Variants in ZNF609 observed in about 807,000 individuals in gnomAD.
ZNF609 encodes the protein zinc finger protein 609.
A neutral mutation model predicts 109.5 loss-of-function variants in ZNF609; 11 were observed. The ratio of observed to expected loss-of-function variants is 0.10; its 90% CI spans 0.06 to 0.17. The LOEUF is 0.17. Ranked by LOEUF, ZNF609 falls within the 10% of genes least tolerant of loss-of-function variation. The pLI is 1.00. For missense variants in ZNF609, 1,559 were observed against 1,772.4 expected (o/e 0.88, Z 2.16); for synonymous variants, 646 against 662.0 (o/e 0.98, Z 0.37).
intron 2 of ZNF609, among the ~76,000 whole-genome samples, chr15:64,583,973 C>T (rs182691856): frequency 2.3e-3 from 352 of 152,270 alleles, no homozygotes; most frequent in African/African-American, 8.1e-3. Flanking sequence ...TCTAGGTTAA[C>T]GTTTATCCAT....
intron 2 of ZNF609, among the ~76,000 whole-genome samples, chr15:64,609,128 C>CTTTCTTTCTTTCTTTCT: frequency 9.9e-6 from 1 of 101,132 alleles, no homozygotes; most frequent in South Asian, 3.2e-4. Context: ...TTCTTTCTTT[C>CTTTCTTTCTTTCTTTCT]TTTTTTTCTT....
chr15:64,600,449 C>CAAAAA (rs60948226), intron 2 of ZNF609, among the ~76,000 whole-genome samples: 1 of 53,820 alleles, frequency 1.9e-5, no homozygotes, highest in Non-Finnish European at 3.7e-5. Flanking sequence ...GGCTGTGTCT[C>CAAAAA]AAAAAAAAAA....
chr15:64,682,410 C>T lies in ZNF609; in HGVS notation c.*724C>T, dbSNP rs1037423060. On this transcript the variant is annotated 3_prime_UTR_variant, in exon 10 of 10. Coordinates refer to ENST00000326648, the MANE Select transcript of ZNF609 (RefSeq NM_015042.2). The stretch of plus-strand genomic sequence containing the variant: ...AGGCAGGGGGCAGGGGTTCCAACAC[C>T]AGCACAGGGCTCCCCAGGGACACTG... 7 of 152,678 alleles carry T rather than the reference C, an allele frequency of 4.6e-5. No individual in the cohort carries two copies. Among genetic ancestry groups the T allele is most frequent in the African/African-American group, 1.4e-4 (6 of 41,454 alleles). 9.5% of individuals were successfully genotyped at this position (152,678 alleles called of 1,614,324 possible). A position where few individuals can be genotyped will look rare whatever the true frequency, so the allele number is the denominator to read the frequency against.
At chr15:64,601,763 C>T (rs985854043) in intron 2 of ZNF609, among the ~76,000 whole-genome samples, 2 of 152,162 alleles carry the variant, frequency 1.3e-5, no homozygotes, top group African/African-American at 2.4e-5. Flanking sequence ...GCAGACCATA[C>T]GTGGTGCTTA....
chr15:64,611,573 G>A (rs1291238842), intron 2 of ZNF609, among the ~76,000 whole-genome samples: 1 of 152,138 alleles, frequency 6.6e-6, no homozygotes, highest in East Asian at 1.9e-4. Context: ...AGCAGAAAAG[G>A]ATTTAGGGTC....
chr15:64,633,438 C>T (rs1195422752), intron 3 of ZNF609, among the ~76,000 whole-genome samples: 2 of 152,190 alleles, frequency 1.3e-5, no homozygotes, highest in African/African-American at 2.4e-5. Context: ...TGAACCACTA[C>T]ACCTGGCCTA....
intron 1 of ZNF609, among the ~76,000 whole-genome samples, chr15:64,478,426 A>G (rs1039976208): frequency 6.6e-6 from 1 of 151,770 alleles, no homozygotes. Flanking sequence ...GCTGTGGTGC[A>G]TTGTTGCGAT....
At position 64,624,958 on chromosome 15, in the gene ZNF609, C is replaced by A. The variant is rs541640201; in HGVS notation, c.973+1906C>A. Among the ~76,000 whole-genome samples the A allele has an allele frequency of 2.1e-4, 32 of 152,050 alleles. No homozygotes were observed. The South Asian group carries it at 6.7e-3, about 32-fold the overall frequency. ...TATTTTTAGTAGAGATGGGGTTTCACCGTGCTGGCCACGCTGGTCTTGAAC... is the reference window on the plus strand; with the variant it reads ...TATTTTTAGTAGAGATGGGGTTTCAACGTGCTGGCCACGCTGGTCTTGAAC... On this transcript the variant is annotated intron_variant, in intron 3 of 9. Coordinates refer to ENST00000326648, the MANE Select transcript of ZNF609 (RefSeq NM_015042.2).
chr15:64,485,874 G>C (rs1168113333), intron 1 of ZNF609, among the ~76,000 whole-genome samples: 1 of 152,154 alleles, frequency 6.6e-6, no homozygotes, highest in East Asian at 1.9e-4. Context: ...TCTTGCTAAA[G>C]TACAATATCA....
chr15:64,568,703 T>G (rs1330977505), intron 2 of ZNF609, among the ~76,000 whole-genome samples: 1 of 152,192 alleles, frequency 6.6e-6, no homozygotes, highest in East Asian at 1.9e-4. Flanking sequence ...TGCCTAGGTA[T>G]TTAGGCTTTT....
At chr15:64,572,887 G>T (rs972797416) in intron 2 of ZNF609, among the ~76,000 whole-genome samples, 1 of 152,104 alleles carries the variant, frequency 6.6e-6, no homozygotes, top group African/African-American at 2.4e-5. Flanking sequence ...GACAACAAGA[G>T]CAAAACTCCG....
intron 2 of ZNF609, among the ~76,000 whole-genome samples, chr15:64,519,267 A>T (rs776056944): frequency 6.6e-5 from 10 of 152,134 alleles, no homozygotes; most frequent in East Asian, 1.9e-4. Context: ...TGGATGTGTG[A>T]GAGAGAGAAC....
chr15:64,479,283 G>GGTTTTTTTTTTTTTTTTTTTTTTTTTT (rs1389448753), intron 1 of ZNF609, among the ~76,000 whole-genome samples: 1 of 64,358 alleles, frequency 1.6e-5, no homozygotes. Context: ...GTACCTGTGT[G>GGTTTTTTTTTTTTTTTTTTTTTTTTTT]ATTTTTTTTT....
At chr15:64,502,848 C>A (rs1342494966) in intron 2 of ZNF609, 1 of 152,194 alleles carries the variant, frequency 6.6e-6, no homozygotes. Context: ...GGGCAGATTG[C>A]TTAAGCTCAG....
At chr15:64,576,392 T>C (rs1894953200) in intron 2 of ZNF609, among the ~76,000 whole-genome samples, 5 of 152,146 alleles carry the variant, frequency 3.3e-5, no homozygotes, top group African/African-American at 9.6e-5. Flanking sequence ...ATTTCTCTAG[T>C]CATGTGCTTC....
At chr15:64,670,287 C>T (rs1896706465) in intron 3 of ZNF609, 59 bp from the exon 4 acceptor site, 3 of 1,389,812 alleles carry the variant, frequency 2.2e-6, no homozygotes, top group Admixed American at 3.4e-5. Flanking sequence ...CAAAAGAATA[C>T]TATTCTCAGT....
At chr15:64,670,747 G>A (rs1242720349) in intron 4 of ZNF609, among the ~76,000 whole-genome samples, 1 of 151,834 alleles carries the variant, frequency 6.6e-6, no homozygotes, top group Non-Finnish European at 1.5e-5. Context: ...GCATGGTGGT[G>A]CATGCCTGTA....
chr15:64,664,268 C>T (rs1413672483), intron 3 of ZNF609, among the ~76,000 whole-genome samples: 2 of 151,954 alleles, frequency 1.3e-5, no homozygotes, highest in African/African-American at 4.8e-5. Context: ...CTGACTAGTG[C>T]CTCATACATG....
At chr15:64,579,069 A>G (rs186827139) in intron 2 of ZNF609, among the ~76,000 whole-genome samples, 2 of 150,752 alleles carry the variant, frequency 1.3e-5, no homozygotes, top group Non-Finnish European at 2.9e-5. Context: ...ATTAAAAATT[A>G]TAAAACAAAA....
Sources: allele counts gnomAD v4.1 joint callset (sites outside exome capture counted in the v4.1 genomes callset), GRCh38; gene constraint gnomAD v4.1.1; transcripts MANE v1.5; gene names NCBI Gene and HGNC (gene_info 2026-07-23, HGNC 2026-07-21).